DMD: variants seen among roughly 807,000 people sequenced by gnomAD.
The protein encoded by DMD is dystrophin, also known as mutant dystrophin.
DMD carries 63 observed loss-of-function variants against 330.1 expected under a neutral mutation model. The observed-to-expected ratio is 0.19, with a 90% confidence interval of 0.16 to 0.24. The LOEUF (loss-of-function observed/expected upper bound fraction) is 0.24. Ranked by LOEUF, DMD falls within the 10% of genes least tolerant of loss-of-function variation. The pLI is 1.00. For synonymous variants in DMD, 1,223 were observed against 959.8 expected (o/e 1.27, Z -5.07); for missense variants, 3,344 against 2,684.1 (o/e 1.25, Z -5.43).
chrX:31,134,474 G>A (rs1333899770), intron 76 of DMD, among the ~76,000 whole-genome samples: 1 of 104,519 alleles, frequency 9.6e-6, no homozygotes, highest in African/African-American at 3.5e-5. Flanking sequence ...CCAGGCTGGA[G>A]TGCAGTGGCA....
intron 17 of DMD, among the ~76,000 whole-genome samples, chrX:32,527,325 T>C (rs2047013557): frequency 8.9e-6 from 1 of 112,302 alleles, no homozygotes; most frequent in Non-Finnish European, 1.9e-5. Context: ...TTTCCAACTT[T>C]GCTGTATTTT....
chrX:32,853,773 A>AAAG (rs1362011581), intron 2 of DMD, among the ~76,000 whole-genome samples: 15 of 106,759 alleles, frequency 1.4e-4, no homozygotes, highest in Admixed American at 3.0e-4. Context: ...GTGACAGAAA[A>AAAG]AAAAAAAAAA....
chrX:33,309,945 T>C (rs1316818792), intron 1 of DMD, among the ~76,000 whole-genome samples: 1 of 111,199 alleles, frequency 9.0e-6, no homozygotes, highest in Non-Finnish European at 1.9e-5. Context: ...TAGTCATTCA[T>C]TAGCTATCAT....
At chrX:33,225,168 T>C (rs1367836521) in intron 1 of DMD, among the ~76,000 whole-genome samples, 2 of 111,599 alleles carry the variant, frequency 1.8e-5, no homozygotes, top group Admixed American at 1.9e-4. Context: ...ATCTCAGCAA[T>C]ATTTTTGGAA....
chrX:32,816,430 CT>C (rs754369619), intron 6 of DMD, 37 bp downstream of exon 6: 2 of 1,201,829 alleles, frequency 1.7e-6, no homozygotes, highest in Non-Finnish European at 2.3e-6. Context: ...TAAATCACCA[CT>C]TTTACAAGTT....
At chrX:31,330,171 C>A (rs2057034361) in intron 61 of DMD, among the ~76,000 whole-genome samples, 1 of 103,331 alleles carries the variant, frequency 9.7e-6, no homozygotes. Flanking sequence ...ATTAAATATG[C>A]ATATTTTTGC....
In DMD at chrX:31,288,563, C is replaced by T. The variant is rs932886423; in HGVS notation, c.9225-27547G>A. 1.2e-4 allele frequency among the ~76,000 whole-genome samples: 13 copies of T among 111,851 alleles called. 1 individual carries two copies. Among genetic ancestry groups the T allele is most frequent in the Admixed American group, 1.1e-3 (12 of 10,552 alleles). On this transcript the variant is annotated intron_variant, in intron 62 of 78. Transcript: ENST00000357033. ...TTTATCAGATAACCAAGTACAATCC[C>T]ATTAAGATAACGGCTATAGTCCTTG...
At chrX:32,758,574 C>G (rs1479595167) in intron 7 of DMD, among the ~76,000 whole-genome samples, 2 of 111,477 alleles carry the variant, frequency 1.8e-5, no homozygotes, top group Admixed American at 9.6e-5. Context: ...GACCAAGACT[C>G]TTGAGTTCCT....
intron 1 of DMD, among the ~76,000 whole-genome samples, chrX:33,268,872 G>A (rs1157137131): frequency 3.0e-5 from 3 of 99,616 alleles, no homozygotes; most frequent in African/African-American, 7.6e-5. Context: ...GGTGCAGTGA[G>A]CCAGGATTGC....
At chrX:31,279,676 T>C (rs899436196) in intron 62 of DMD, among the ~76,000 whole-genome samples, 1 of 112,474 alleles carries the variant, frequency 8.9e-6, no homozygotes, top group African/African-American at 3.2e-5. Flanking sequence ...CACGATAGCT[T>C]ATCCAGCTGC....
intron 71 of DMD, among the ~76,000 whole-genome samples, chrX:31,174,483 GA>G (rs200614653): frequency 8.2e-5 from 9 of 110,418 alleles, no homozygotes; most frequent in African/African-American, 2.9e-4. Flanking sequence ...TTAACCTTAG[GA>G]AAAAAAACCA....
intron 44 of DMD, among the ~76,000 whole-genome samples, chrX:32,086,786 T>C (rs1325572377): frequency 1.8e-5 from 2 of 111,117 alleles, no homozygotes; most frequent in Middle Eastern, 4.2e-3. Context: ...TAATTCACAG[T>C]ACCAAAAAAG....
At position 32,892,502 on chromosome X, in the gene DMD, T is replaced by C. The variant is rs575957322; in HGVS notation, c.94-42682A>G. Among the ~76,000 whole-genome samples the C allele has an allele frequency of 1.9e-4, 21 of 111,984 alleles. No individual in the cohort carries two copies. The South Asian group carries it at 3.4e-3, about 18-fold the overall frequency. On this transcript the variant is annotated intron_variant, in intron 2 of 78. Transcript: ENST00000357033. ...TCTGCCTCCTGGGTTCAAGCGATTG[T>C]CATGCCTCGGCCTCCCAAATAGCTG...
intron 59 of DMD, among the ~76,000 whole-genome samples, chrX:31,471,872 C>A (rs1446771279): frequency 9.0e-6 from 1 of 111,447 alleles, no homozygotes; most frequent in African/African-American, 3.3e-5. Context: ...TATAATATGG[C>A]CTTTGATAGA....
intron 17 of DMD, among the ~76,000 whole-genome samples, chrX:32,525,821 G>A (rs776079544): frequency 9.0e-6 from 1 of 111,579 alleles, no homozygotes; most frequent in African/African-American, 3.3e-5. Context: ...AATTACGAAC[G>A]AAATATATCA....
At chrX:31,831,809 A>C (rs144237472) in intron 49 of DMD, among the ~76,000 whole-genome samples, 1 of 111,839 alleles carries the variant, frequency 8.9e-6, no homozygotes, top group Non-Finnish European at 1.9e-5. Flanking sequence ...TCACCATGTT[A>C]GCCAGGATGG....
chrX:31,843,361 A>G (rs2093352102), intron 48 of DMD, among the ~76,000 whole-genome samples: 1 of 111,888 alleles, frequency 8.9e-6, no homozygotes, highest in Non-Finnish European at 1.9e-5. Flanking sequence ...TTTTCTCTGC[A>G]GCCTCACCAA....
intron 61 of DMD, among the ~76,000 whole-genome samples, chrX:31,339,643 T>G (rs2057610777): frequency 8.9e-6 from 1 of 112,126 alleles, no homozygotes; most frequent in South Asian, 3.7e-4. Context: ...TGGCGCAATC[T>G]CGGCTCACTG....
At chrX:32,943,038 A>G (rs982335964) in intron 2 of DMD, among the ~76,000 whole-genome samples, 8 of 111,910 alleles carry the variant, frequency 7.1e-5, no homozygotes, top group Admixed American at 2.9e-4. Context: ...TTCATCTCTC[A>G]TAAGAGAGAC....
Sources: allele counts gnomAD v4.1 joint callset (sites outside exome capture counted in the v4.1 genomes callset), GRCh38; gene constraint gnomAD v4.1.1; transcripts MANE v1.5; gene names NCBI Gene and HGNC (gene_info 2026-07-23, HGNC 2026-07-21).